Variants in C8orf34 observed in about 807,000 individuals in gnomAD.
C8orf34 encodes the protein chromosome 8 open reading frame 34, also known as uncharacterized protein C8orf34.
A neutral mutation model predicts 68.3 loss-of-function variants in C8orf34; 65 were observed. The observed-to-expected ratio is 0.95, with a 90% CI of 0.78 to 1.17. C8orf34 has a LOEUF of 1.17. Ranked by LOEUF, C8orf34 falls within the 50% of genes most tolerant of loss-of-function variation. The pLI is 0.00. For synonymous variants in C8orf34, 244 were observed against 241.2 expected, an observed-to-expected ratio of 1.01 and a Z score of -0.11; for missense variants, 664 against 655.4, an observed-to-expected ratio of 1.01 and a Z score of -0.14.
intron 8 of C8orf34, among the ~76,000 whole-genome samples, chr8:68,704,731 C>T (rs1821116215): frequency 6.6e-6 from 1 of 152,080 alleles, no homozygotes; most frequent in African/African-American, 2.4e-5. Flanking sequence ...ACAAATCTAG[C>T]CATATTATTC....
chr8:68,690,556 C>A (rs1820657420), intron 8 of C8orf34, among the ~76,000 whole-genome samples: 1 of 151,860 alleles, frequency 6.6e-6, no homozygotes, highest in Non-Finnish European at 1.5e-5. Context: ...GCAGAGTACT[C>A]ACATGATGAA....
At chr8:68,478,599 C>T (rs532832063) in intron 4 of C8orf34, among the ~76,000 whole-genome samples, 1 of 152,140 alleles carries the variant, frequency 6.6e-6, no homozygotes, top group Non-Finnish European at 1.5e-5. Context: ...ATGCCTGAGA[C>T]TGGGTAATTT....
Position 68,479,839 on chromosome 8 carries a change from T to A in C8orf34, c.737-8184T>A, listed in dbSNP as rs146328488. Among the ~76,000 whole-genome samples, 410 of 152,322 alleles carry A rather than the reference T, an allele frequency of 2.7e-3. 1 individual carries two copies. The highest frequency in any genetic ancestry group is 9.7e-3 in the African/African-American group (403 of 41,576). On this transcript the variant is annotated intron_variant, in intron 4 of 13. Coordinates refer to ENST00000518698, the MANE Select transcript of C8orf34 (RefSeq NM_052958.4). Reference sequence around the variant, plus strand: ...AATGAATGCGCTGGTTAATCAAGGATGAAAATTGGTATGTGCTTCTAGAGC... The same window carrying A: ...AATGAATGCGCTGGTTAATCAAGGAAGAAAATTGGTATGTGCTTCTAGAGC...
intron 6 of C8orf34, among the ~76,000 whole-genome samples, chr8:68,528,086 T>C (rs1815089928): frequency 6.6e-6 from 1 of 152,218 alleles, no homozygotes; most frequent in Non-Finnish European, 1.5e-5. Context: ...CCCCTTTCTC[T>C]GAACATTCAA....
intron 8 of C8orf34, among the ~76,000 whole-genome samples, chr8:68,671,874 A>C (rs1478750295): frequency 1.3e-5 from 2 of 152,144 alleles, no homozygotes; most frequent in Non-Finnish European, 2.9e-5. Flanking sequence ...TAGGTAGATT[A>C]GTGCATTTAG....
intron 4 of C8orf34, among the ~76,000 whole-genome samples, chr8:68,477,595 C>T (rs1812676541): frequency 6.6e-6 from 1 of 152,212 alleles, no homozygotes; most frequent in Non-Finnish European, 1.5e-5. Context: ...CACAGACACT[C>T]AATGCCAGCC....
chr8:68,635,579 A>G (rs932135114), intron 7 of C8orf34, among the ~76,000 whole-genome samples: 2 of 152,226 alleles, frequency 1.3e-5, no homozygotes, highest in South Asian at 2.1e-4. Flanking sequence ...ACCCTAAATC[A>G]TAGAAGTATG....
chr8:68,813,581 T>C (rs1285719848), intron 12 of C8orf34, among the ~76,000 whole-genome samples: 1 of 152,122 alleles, frequency 6.6e-6, no homozygotes, highest in Non-Finnish European at 1.5e-5. Flanking sequence ...TTATTTGAAA[T>C]GGTTTCCTCC....
intron 1 of C8orf34, among the ~76,000 whole-genome samples, chr8:68,395,008 G>T (rs1224359269): frequency 6.6e-6 from 1 of 152,030 alleles, no homozygotes; most frequent in Admixed American, 6.6e-5. Context: ...ACTTTAAGCA[G>T]TTTATTTTGG....
chr8:68,595,137 A>T (rs1379946175), intron 7 of C8orf34, among the ~76,000 whole-genome samples: 40 of 147,948 alleles, frequency 2.7e-4, no homozygotes, highest in Admixed American at 2.3e-3. Flanking sequence ...AAAAAAAAAA[A>T]TTTTTTTTTT....
At chr8:68,682,344 T>A (rs1024618051) in intron 8 of C8orf34, among the ~76,000 whole-genome samples, 22 of 152,280 alleles carry the variant, frequency 1.4e-4, no homozygotes, top group Middle Eastern at 3.4e-3. Context: ...GTACACCTGC[T>A]ATGTGCCCAC....
intron 7 of C8orf34, among the ~76,000 whole-genome samples, chr8:68,615,731 G>A (rs1428551466): frequency 1.3e-5 from 2 of 152,156 alleles, no homozygotes; most frequent in East Asian, 3.8e-4. Context: ...TATTCATCAA[G>A]GATATTGGTC....
intron 12 of C8orf34, among the ~76,000 whole-genome samples, chr8:68,800,103 T>C (rs1369799314): frequency 6.6e-6 from 1 of 152,168 alleles, no homozygotes; most frequent in Non-Finnish European, 1.5e-5. Context: ...GTCCAGGTTG[T>C]AAAGATAAGA....
chr8:68,797,739 T>G (rs1027472324), intron 12 of C8orf34, among the ~76,000 whole-genome samples: 1 of 152,148 alleles, frequency 6.6e-6, no homozygotes, highest in African/African-American at 2.4e-5. Flanking sequence ...TCAGAAAGTG[T>G]GCACTGTATG....
intron 8 of C8orf34, among the ~76,000 whole-genome samples, chr8:68,650,101 T>A (rs1287031868): frequency 6.6e-6 from 1 of 151,878 alleles, no homozygotes; most frequent in Non-Finnish European, 1.5e-5. Context: ...GAAACAGTCA[T>A]AAGGGTTGTT....
rs115370234 is a variant in C8orf34, at chr8:68,575,156, A to G, written c.1105+42007A>G. ...AAGTTGGAAATGTCATTAGGAGAAA[A>G]GCACAAGGATGTCATAAGTTTATAA... On this transcript the variant is annotated intron_variant, in intron 7 of 13. Coordinates refer to ENST00000518698, the MANE Select transcript of C8orf34 (RefSeq NM_052958.4). Among the ~76,000 whole-genome samples the G allele has an allele frequency of 8.2e-3, 1,245 of 152,162 alleles. 20 individuals carry two copies. The highest frequency in any genetic ancestry group is 0.028 in the African/African-American group (1,174 of 41,526).
intron 5 of C8orf34, among the ~76,000 whole-genome samples, chr8:68,498,324 T>G (rs1206641693): frequency 6.6e-6 from 1 of 152,236 alleles, no homozygotes; most frequent in Admixed American, 6.5e-5. Context: ...TCTTAGAATT[T>G]TGAATATTTG....
At chr8:68,644,027 A>G (rs1264483241) in intron 8 of C8orf34, among the ~76,000 whole-genome samples, 1 of 152,288 alleles carries the variant, frequency 6.6e-6, no homozygotes, top group East Asian at 1.9e-4. Context: ...TAACCTCTGA[A>G]TTGTAGAAAC....
intron 7 of C8orf34, among the ~76,000 whole-genome samples, chr8:68,592,366 G>A (rs192175105): frequency 1.3e-5 from 2 of 151,874 alleles, no homozygotes; most frequent in East Asian, 3.9e-4. Flanking sequence ...TTTTTCATTA[G>A]GTTAATTCCT....
Sources: allele counts gnomAD v4.1 joint callset (sites outside exome capture counted in the v4.1 genomes callset), GRCh38; gene constraint gnomAD v4.1.1; transcripts MANE v1.5; gene names NCBI Gene and HGNC (gene_info 2026-07-23, HGNC 2026-07-21).